The following GRAMD1B variants were observed in gnomAD, a reference collection of about 807,000 sequenced individuals.
The protein encoded by GRAMD1B is protein Aster-B.
GRAMD1B carries 37 observed loss-of-function variants against 99.7 expected under a neutral mutation model. The observed-to-expected ratio is 0.37, with a 90% confidence interval of 0.29 to 0.49. The LOEUF (loss-of-function observed/expected upper bound fraction) is 0.49. GRAMD1B is among the 20% of genes least tolerant of loss of function. The probability of loss-of-function intolerance (pLI) is 0.98; values close to 1 mark genes in which losing one functional copy is unlikely to be tolerated. For missense variants in GRAMD1B, 888 were observed against 1,009.2 expected (o/e 0.88, Z 1.63); for synonymous variants, 427 against 387.6 (o/e 1.10, Z -1.19).
intron 4 of GRAMD1B, among the ~76,000 whole-genome samples, chr11:123,590,138 T>G (rs965763891): frequency 1.3e-5 from 2 of 152,216 alleles, no homozygotes; most frequent in African/African-American, 4.8e-5. Context: ...ACGGTCTTTT[T>G]GGGCTTGGTC....
At chr11:123,434,972 G>A (rs1949094870) in intron 1 of GRAMD1B, among the ~76,000 whole-genome samples, 1 of 152,172 alleles carries the variant, frequency 6.6e-6, no homozygotes, top group Non-Finnish European at 1.5e-5. Context: ...GTGGGTTAAT[G>A]GGAAGTCTGA....
chr11:123,485,840 G>A (rs554540357), intron 2 of GRAMD1B, among the ~76,000 whole-genome samples: 176 of 150,958 alleles, frequency 1.2e-3, no homozygotes, highest in Non-Finnish European at 1.9e-3. Context: ...TCAGCCTCTC[G>A]AGTAGCTGGG....
At chr11:123,474,728 AACAAAGAC>A (rs55793048) in intron 1 of GRAMD1B, among the ~76,000 whole-genome samples, 152,190 of 152,192 alleles carry the variant, frequency 1, 76,094 homozygotes, top group Non-Finnish European at 1. Flanking sequence ...CATTTTTATT[AACAAAGAC>A]ACAAAGACAT....
intron 1 of GRAMD1B, among the ~76,000 whole-genome samples, chr11:123,441,360 G>A (rs181485162): frequency 3.3e-5 from 5 of 152,192 alleles, no homozygotes; most frequent in Non-Finnish European, 5.9e-5. Flanking sequence ...CATGCAGGCC[G>A]GGTGTGGTGG....
intron 2 of GRAMD1B, among the ~76,000 whole-genome samples, chr11:123,544,595 C>T (rs1323979542): frequency 1.3e-5 from 2 of 152,220 alleles, no homozygotes; most frequent in African/African-American, 4.8e-5. Context: ...CTAACTCTCC[C>T]TGGGAGGAAA....
intron 1 of GRAMD1B, among the ~76,000 whole-genome samples, chr11:123,399,881 A>G (rs1236701949): frequency 6.6e-6 from 1 of 152,108 alleles, no homozygotes; most frequent in Non-Finnish European, 1.5e-5. Flanking sequence ...CTAACTCCCA[A>G]AGTGCTGGGA....
chr11:123,603,161 G>C (rs567293783), intron 8 of GRAMD1B, among the ~76,000 whole-genome samples: 2 of 152,346 alleles, frequency 1.3e-5, no homozygotes, highest in Admixed American at 1.3e-4. Flanking sequence ...CTGGGAGCCA[G>C]TTGGTCACGT....
At chr11:123,381,475 T>C (rs1291363398) in intron 1 of GRAMD1B, 1 of 154,366 alleles carries the variant, frequency 6.5e-6, no homozygotes. Flanking sequence ...GGTAAAGGCA[T>C]GGCTGTGATA....
At chr11:123,511,945 C>G (rs1464660478) in intron 2 of GRAMD1B, among the ~76,000 whole-genome samples, 2 of 152,228 alleles carry the variant, frequency 1.3e-5, no homozygotes, top group Non-Finnish European at 2.9e-5. Context: ...GTGAAAATTA[C>G]ACACATCTGT....
At chr11:123,408,574 A>T (rs1054754584) in intron 1 of GRAMD1B, among the ~76,000 whole-genome samples, 1 of 152,272 alleles carries the variant, frequency 6.6e-6, no homozygotes, top group African/African-American at 2.4e-5. Context: ...AAACAGCAGA[A>T]TTGAATGAAG....
rs1285829766 is a variant in GRAMD1B at position 123,424,472 on chromosome 11, AAAAC to A, written c.-175-56337_-175-56334del. Among the ~76,000 whole-genome samples, 7 of 152,124 alleles carry A rather than the reference AAAAC, an allele frequency of 4.6e-5. 1 individual carries two copies. Among genetic ancestry groups the A allele is most frequent in the Admixed American group, 1.3e-4 (2 of 15,264 alleles). On this transcript the variant is annotated intron_variant, in intron 1 of 20. Coordinates refer to the GRAMD1B transcript ENST00000638157. ...CATAGCAAGACCCTGTCTCTAATTA[AAAAC>A]AAACAACCAACCAAAAACCCTTCTG...
chr11:123,513,095 A>G (rs1194181852), intron 2 of GRAMD1B, among the ~76,000 whole-genome samples: 2 of 152,200 alleles, frequency 1.3e-5, no homozygotes, highest in African/African-American at 4.8e-5. Flanking sequence ...TACAGTTTCA[A>G]TATCACTTTT....
intron 1 of GRAMD1B, among the ~76,000 whole-genome samples, chr11:123,417,722 A>C (rs1241549745): frequency 6.6e-6 from 1 of 152,166 alleles, no homozygotes; most frequent in African/African-American, 2.4e-5. Context: ...GGGTCACTTG[A>C]GGTCAGGAGT....
intron 1 of GRAMD1B, among the ~76,000 whole-genome samples, chr11:123,465,304 T>G (rs963657918): frequency 6.6e-6 from 1 of 152,130 alleles, no homozygotes; most frequent in Non-Finnish European, 1.5e-5. Flanking sequence ...TTCCTTTAGG[T>G]GTTTTCGCAT....
chr11:123,583,355 G>A (rs1949656199), intron 3 of GRAMD1B, among the ~76,000 whole-genome samples: 1 of 150,322 alleles, frequency 6.7e-6, no homozygotes, highest in Admixed American at 6.6e-5. Flanking sequence ...ACGTGTGCAT[G>A]TGTGTATGTG....
At chr11:123,583,012 G>T (rs1327662097) in intron 3 of GRAMD1B, among the ~76,000 whole-genome samples, 1 of 151,946 alleles carries the variant, frequency 6.6e-6, no homozygotes, top group African/African-American at 2.4e-5. Flanking sequence ...GCGCAAGTGT[G>T]TGCGTGTGTA....
rs1187174837 is a variant in GRAMD1B, at chr11:123,456,373, CCG to C, written c.375-24442_375-24441del. Among the ~76,000 whole-genome samples the C allele has an allele frequency of 2.7e-4, 38 of 140,890 alleles. No homozygotes were observed. In the East Asian group the frequency reaches 8.2e-3, roughly 30 times the overall value. The allele number at this position is 140,890 out of a possible 152,430, so 92.4% of individuals were successfully genotyped here. On this transcript the variant is annotated intron_variant, in intron 1 of 19. Coordinates refer to ENST00000635736, the MANE Select transcript of GRAMD1B (RefSeq NM_001387025.1). ...CAGCATTGGTGTTGTGGAAAGAGCC[CCG>C]AGAGTCAGCAAACTCGAGTTTTATT...
chr11:123,512,703 CTTTTTTTTTTT>C (rs766565214), intron 2 of GRAMD1B, among the ~76,000 whole-genome samples: 1 of 103,016 alleles, frequency 9.7e-6, no homozygotes, highest in African/African-American at 3.8e-5. Flanking sequence ...CATTGTGAAT[CTTTTTTTTTTT>C]TTTTTTTTTT....
intron 1 of GRAMD1B, among the ~76,000 whole-genome samples, chr11:123,376,919 A>G (rs1946708292): frequency 1.3e-5 from 2 of 152,198 alleles, no homozygotes; most frequent in Non-Finnish European, 2.9e-5. Flanking sequence ...CTGCTAGTTA[A>G]CTAAAGTAAC....
Sources: allele counts gnomAD v4.1 joint callset (sites outside exome capture counted in the v4.1 genomes callset), GRCh38; gene constraint gnomAD v4.1.1; transcripts MANE v1.5; gene names NCBI Gene and HGNC (gene_info 2026-07-23, HGNC 2026-07-21).